The following WASHC5 variants were observed in gnomAD, a reference collection of about 807,000 sequenced individuals.
WASHC5 encodes WASH complex subunit strumpellin.
Under a neutral mutation model 150.4 loss-of-function variants are expected in WASHC5, and 101 were observed. The ratio of observed to expected loss-of-function variants is 0.67; its 90% CI spans 0.57 to 0.79. WASHC5 has a LOEUF of 0.79. Ranked by LOEUF, WASHC5 falls within the 30% of genes least tolerant of loss-of-function variation. The pLI is 0.00. For missense variants in WASHC5, 1,195 were observed against 1,396.3 expected (o/e 0.86, Z 2.30); for synonymous variants, 467 against 491.2 (o/e 0.95, Z 0.65).
intron 28 of WASHC5, among the ~76,000 whole-genome samples, chr8:125,027,228 G>A (rs16900228): frequency 0.029 from 4,338 of 152,134 alleles, 126 homozygotes; most frequent in South Asian, 0.16. Context: ...ATTCTATTGG[G>A]TATTCAAGGA....
Position 125,044,657 on chromosome 8 carries a change from A to G in WASHC5, c.2546T>C (p.Met849Thr), listed in dbSNP as rs1312994922. The change falls in exon 21 of 29, where the codon ATG becomes ACG. Residue 849 changes from methionine to threonine, a missense_variant. Around this residue, in one of 3 missense-constraint regions of WASHC5, gnomAD observed 997 missense variants for 1,168.1 expected, o/e 0.85. Coordinates refer to ENST00000318410, the MANE Select transcript of WASHC5 (RefSeq NM_014846.4). ...GCTGGTCACTTCCTGATGAGTTTTC[A>G]TATCATACCAAGTGTTCAGCTGGTC... ...HIDQLNTWYDMKTHQEVTSSR... is the reference protein window; with the variant it reads ...HIDQLNTWYDTKTHQEVTSSR... 3 of 1,614,112 alleles carry G rather than the reference A, an allele frequency of 1.9e-6. No homozygotes were observed. The highest frequency in any genetic ancestry group is 2.5e-6 in the Non-Finnish European group (3 of 1,179,958).
At chr8:125,074,947 T>G in intron 8 of WASHC5, 51 bp downstream of exon 8, 1 of 1,076,410 alleles carries the variant, frequency 9.3e-7, no homozygotes, top group Non-Finnish European at 1.5e-6. Flanking sequence ...ATTTGCTACT[T>G]CATAAACTAG....
At chr8:125,051,565 T>TA (rs2130059544) in intron 17 of WASHC5, among the ~76,000 whole-genome samples, 1 of 152,328 alleles carries the variant, frequency 6.6e-6, no homozygotes, top group African/African-American at 2.4e-5. Context: ...AAAGGCCCTA[T>TA]GTTCTTCAAC....
In WASHC5 at chr8:125,059,302, AAAAAG is replaced by A. The variant is rs1816511509; in HGVS notation, c.1689-10_1689-6del. On this transcript the variant is annotated splice_polypyrimidine_tract_variant and splice_region_variant and intron_variant, in intron 13 of 28. Coordinates refer to ENST00000318410, the MANE Select transcript of WASHC5 (RefSeq NM_014846.4). ...TCTTGCATGATGGATGTGAAACTGT[AAAAAG>A]AAAAGAAACGGTAAGAAGATGTTCC... 1.2e-6 allele frequency: 2 copies of A among 1,613,944 alleles called. No homozygotes were observed. Among genetic ancestry groups the A allele is most frequent in the East Asian group, 4.5e-5 (2 of 44,874 alleles).
chr8:125,062,935 TAGA>T (rs1379272231), intron 11 of WASHC5, among the ~76,000 whole-genome samples: 4 of 152,198 alleles, frequency 2.6e-5, no homozygotes, highest in Middle Eastern at 3.2e-3. Context: ...TAAAATTTCC[TAGA>T]AGAAGTAGGA....
intron 1 of WASHC5, among the ~76,000 whole-genome samples, chr8:125,090,166 T>C (rs996033915): frequency 8.5e-5 from 13 of 152,242 alleles, no homozygotes; most frequent in African/African-American, 2.9e-4. Flanking sequence ...CCCGGACTAG[T>C]TATATTTTCC....
At chr8:125,037,571 G>T (rs1321574245) in intron 25 of WASHC5, among the ~76,000 whole-genome samples, 1 of 152,138 alleles carries the variant, frequency 6.6e-6, no homozygotes, top group East Asian at 1.9e-4. Flanking sequence ...TGCTTAGAAA[G>T]ACTTTTCCCC....
intron 27 of WASHC5, among the ~76,000 whole-genome samples, chr8:125,030,635 C>CAT (rs1188412063): frequency 7.1e-4 from 55 of 77,630 alleles, no homozygotes; most frequent in Admixed American, 1.4e-3. Flanking sequence ...GACTCTTTCT[C>CAT]ATAAAAAAAA....
At position 125,083,667 on chromosome 8, in the gene WASHC5, C is replaced by T. The variant is rs761200237; in HGVS notation, c.186+46G>A. On this transcript the variant is annotated intron_variant, in intron 2 of 28. Transcript: ENST00000318410. ...TTTCATGGTTCCCAGAGAAAACACG[C>T]TTTTGTAGAAAAGACAACAATAAAA... 1.2e-5 allele frequency: 18 copies of T among 1,475,862 alleles called. No homozygotes were observed. In the East Asian group the frequency reaches 4.2e-4, roughly 34 times the overall value. 91.4% of individuals were successfully genotyped at this position (1,475,862 alleles called of 1,614,324 possible). A position where few individuals can be genotyped will look rare whatever the true frequency, so the allele number is the denominator to read the frequency against.
intron 26 of WASHC5, among the ~76,000 whole-genome samples, chr8:125,036,065 T>C (rs1176920042): frequency 6.6e-6 from 1 of 152,238 alleles, no homozygotes; most frequent in African/African-American, 2.4e-5. Flanking sequence ...AACAGACATA[T>C]TGAAAGGCTT....
intron 25 of WASHC5, among the ~76,000 whole-genome samples, chr8:125,038,135 AT>A (rs1254922676): frequency 6.6e-6 from 1 of 152,234 alleles, no homozygotes; most frequent in African/African-American, 2.4e-5. Flanking sequence ...TATTCAAGAC[AT>A]TAGCTACTAT....
intron 9 of WASHC5, among the ~76,000 whole-genome samples, chr8:125,070,989 CA>C (rs1245212480): frequency 6.6e-6 from 1 of 152,204 alleles, no homozygotes; most frequent in African/African-American, 2.4e-5. Flanking sequence ...AGCTGTGAGA[CA>C]GGGGCTACCA....
intron 28 of WASHC5, among the ~76,000 whole-genome samples, chr8:125,025,205 G>A (rs540694500): frequency 1.3e-5 from 2 of 152,148 alleles, no homozygotes; most frequent in Non-Finnish European, 2.9e-5. Context: ...AGAATGTAGA[G>A]GTAGGTGATC....
At chr8:125,078,468 A>G (rs1279723777) in intron 6 of WASHC5, among the ~76,000 whole-genome samples, 4 of 152,198 alleles carry the variant, frequency 2.6e-5, no homozygotes, top group Admixed American at 2.0e-4. Context: ...CACGTATCAC[A>G]TACTCAACAA....
rs143594675 is a variant in WASHC5, at chr8:125,054,767, C to T, written c.2097+824G>A. On this transcript the variant is annotated intron_variant, in intron 17 of 28. Coordinates refer to ENST00000318410, the MANE Select transcript of WASHC5 (RefSeq NM_014846.4). Reference sequence around the variant, plus strand: ...CCGGGAGGTGGAGCCTGCAGGGAGCCGAGATTGCACCACTGCACTCTAGCC... The same window carrying T: ...CCGGGAGGTGGAGCCTGCAGGGAGCTGAGATTGCACCACTGCACTCTAGCC... 2.4e-3 allele frequency among the ~76,000 whole-genome samples: 361 copies of T among 150,790 alleles called. 1 individual carries two copies. Among genetic ancestry groups the T allele is most frequent in the African/African-American group, 8.1e-3 (331 of 40,962 alleles).
intron 17 of WASHC5, among the ~76,000 whole-genome samples, chr8:125,052,722 C>A (rs763726073): frequency 5.3e-5 from 8 of 151,998 alleles, no homozygotes; most frequent in Non-Finnish European, 1.2e-4. Flanking sequence ...TTGAATCGCT[C>A]TAGACCAATC....
chr8:125,031,831 G>T (rs1272324656), intron 27 of WASHC5, among the ~76,000 whole-genome samples: 2 of 152,164 alleles, frequency 1.3e-5, no homozygotes, highest in African/African-American at 4.8e-5. Flanking sequence ...ACACTGCCCA[G>T]GCTTTGACAC....
chr8:125,028,278 G>A (rs1272881921), intron 28 of WASHC5, among the ~76,000 whole-genome samples: 1 of 152,214 alleles, frequency 6.6e-6, no homozygotes, highest in African/African-American at 2.4e-5. Context: ...TCAGTGGAGA[G>A]AGAAAGAACA....
At position 125,061,151 on chromosome 8, in the gene WASHC5, C is replaced by G. The variant is rs1391637094; in HGVS notation, c.1452G>C (p.Leu484Phe). Reference sequence around the variant, plus strand: ...CAGTAGAATCATCATAATTTAAAGACAATATTTGTTTTGAGATCTCTCTGA... The same window carrying G: ...CAGTAGAATCATCATAATTTAAAGAGAATATTTGTTTTGAGATCTCTCTGA... ...AWFREISKQI[L>F]SLNYDDSTAA... Residue 484 changes from leucine (L) to phenylalanine (F), a missense_variant, in exon 12 of 29, where the codon TTG becomes TTC. This residue lies in a region of WASHC5 where 997 missense variants were observed against 1,168.1 expected (regional missense o/e 0.85). Coordinates refer to ENST00000318410, the MANE Select transcript of WASHC5 (RefSeq NM_014846.4). 6.2e-7 allele frequency: 1 copy of G among 1,612,060 alleles called. No individual in the cohort carries two copies. Among genetic ancestry groups the G allele is most frequent in the African/African-American group, 1.3e-5 (1 of 74,988 alleles).
Sources: allele counts gnomAD v4.1 joint callset (sites outside exome capture counted in the v4.1 genomes callset), GRCh38; gene constraint gnomAD v4.1.1; regional missense constraint gnomAD v4.1.1; transcripts MANE v1.5; gene names NCBI Gene and HGNC (gene_info 2026-07-23, HGNC 2026-07-21).